TRMT11: variants seen among roughly 807,000 people sequenced by gnomAD.
TRMT11 encodes tRNA methyltransferase 11, also known as tRNA (guanine(10)-N(2))-methyltransferase TRMT11.
Under a neutral mutation model 62.8 loss-of-function variants are expected in TRMT11, and 53 were observed. The ratio of observed to expected loss-of-function variants is 0.84; its 90% CI spans 0.68 to 1.06. TRMT11 has a LOEUF of 1.06. TRMT11 is among the 50% of genes least tolerant of loss of function. TRMT11 has a pLI of 0.00. For synonymous variants in TRMT11, 188 were observed against 190.3 expected (o/e 0.99, Z 0.10); for missense variants, 556 against 553.4 (o/e 1.00, Z -0.05).
chr6:126,271,129 T>C, the TRMT11 span, among the ~76,000 whole-genome samples: 1 of 152,112 alleles, frequency 6.6e-6, no homozygotes, highest in African/African-American at 2.4e-5. Flanking sequence ...TTTGGGAGGC[T>C]GAGGCAGGCA....
intron 7 of TRMT11, among the ~76,000 whole-genome samples, chr6:126,008,142 A>T (rs542523267): frequency 6.6e-6 from 1 of 152,144 alleles, no homozygotes; most frequent in Admixed American, 6.6e-5. Flanking sequence ...GACCAAAAAA[A>T]AGATAAAATA....
intron 21 of TRMT11, among the ~76,000 whole-genome samples, chr6:126,167,779 T>C (rs1365316662): frequency 6.6e-6 from 1 of 152,226 alleles, no homozygotes; most frequent in South Asian, 2.1e-4. Context: ...CCAGTCTTCA[T>C]ACGCTCAACA....
In TRMT11 at chr6:126,084,493, A is replaced by G. The variant is rs188119288; in HGVS notation, c.*1438-28373A>G. 2.3e-4 allele frequency among the ~76,000 whole-genome samples: 35 copies of G among 152,200 alleles called. No individual in the cohort carries two copies. In the East Asian group the frequency reaches 6.8e-3, roughly 29 times the overall value. ...AATTTTGGAATATTAACCCCTTATCAGATATATTCCAATCCATAGGCTACT... is the reference window on the plus strand; with the variant it reads ...AATTTTGGAATATTAACCCCTTATCGGATATATTCCAATCCATAGGCTACT... On this transcript the variant is annotated intron_variant and NMD_transcript_variant, in intron 17 of 22. Transcript: ENST00000648977.
intron 7 of TRMT11, among the ~76,000 whole-genome samples, chr6:126,000,390 C>T (rs375671340): frequency 1.3e-5 from 2 of 152,066 alleles, no homozygotes; most frequent in African/African-American, 2.4e-5. Flanking sequence ...GCAGAGCTAA[C>T]GTTTATTGAA....
chr6:126,112,100 A>G (rs949508603), intron 17 of TRMT11, among the ~76,000 whole-genome samples: 1 of 152,130 alleles, frequency 6.6e-6, no homozygotes, highest in Non-Finnish European at 1.5e-5. Context: ...CCCAAACTGG[A>G]GTATATTCTG....
At chr6:126,037,161 A>C (rs1355851657) in intron 12 of TRMT11, among the ~76,000 whole-genome samples, 1 of 151,858 alleles carries the variant, frequency 6.6e-6, no homozygotes, top group Non-Finnish European at 1.5e-5. Context: ...ACCTCATTAC[A>C]TTGTAATTAA....
chr6:125,999,611 C>G lies in TRMT11; in HGVS notation c.677C>G (p.Thr226Arg). ...ATTGTCTTTGATCCATTTGTTGGAA[C>G]AGGTATTTTTATTTAACTTTTAAGC... Reference protein sequence around the residue: ...NDIVFDPFVGTGGLLIACAHF... With the variant: ...NDIVFDPFVGRGGLLIACAHF... The change falls in exon 7 of 13, where the codon ACA becomes AGA. Residue 226 changes from threonine to arginine, a missense_variant and splice_region_variant. Physicochemically the swap from Thr to Arg is moderately conservative, Grantham distance 71. Coordinates refer to ENST00000334379, the MANE Select transcript of TRMT11 (RefSeq NM_001031712.3). 6.2e-7 allele frequency: 1 copy of G among 1,606,162 alleles called. No individual in the cohort carries two copies. The highest frequency in any genetic ancestry group is 1.1e-5 in the South Asian group (1 of 89,652).
downstream of TRMT11, among the ~76,000 whole-genome samples, chr6:126,207,621 A>G (rs1778802375): frequency 6.6e-6 from 1 of 152,238 alleles, no homozygotes; most frequent in Non-Finnish European, 1.5e-5. Context: ...TCTTTAGAAC[A>G]GTAAAATAGA....
In TRMT11 at chr6:126,170,432, T is replaced by A. The variant is rs374269498; in HGVS notation, c.*1824-4393T>A. On this transcript the variant is annotated intron_variant and NMD_transcript_variant, in intron 21 of 22. Transcript: ENST00000648977. ...TTTCCCATAGAAAATTCAGTGGATG[T>A]TCTTTCCATATGTCAGCTGCTGTGG... Among the ~76,000 whole-genome samples the A allele has an allele frequency of 2.2e-4, 34 of 152,350 alleles. No individual in the cohort carries two copies. In the South Asian group the frequency reaches 3.3e-3, roughly 15 times the overall value.
chr6:126,160,662 C>G (rs1778179012), intron 21 of TRMT11, among the ~76,000 whole-genome samples: 1 of 152,172 alleles, frequency 6.6e-6, no homozygotes, highest in Non-Finnish European at 1.5e-5. Context: ...ACCAGCATTA[C>G]TTCCTTTTCT....
At chr6:126,011,064 C>T (rs953720723) in intron 8 of TRMT11, among the ~76,000 whole-genome samples, 189 bp from the exon 9 acceptor site, 2 of 152,134 alleles carry the variant, frequency 1.3e-5, no homozygotes, top group Non-Finnish European at 2.9e-5. Context: ...AGTTAGACAT[C>T]AGTACATTTT....
At chr6:126,208,571 A>G (rs1778809860), downstream of TRMT11, among the ~76,000 whole-genome samples, 1 of 152,232 alleles carries the variant, frequency 6.6e-6, no homozygotes, top group Admixed American at 6.5e-5. Context: ...AAGAACCTCT[A>G]TGACAAAAGG....
chr6:126,086,771 C>T (rs574001190), intron 17 of TRMT11, among the ~76,000 whole-genome samples: 1 of 152,242 alleles, frequency 6.6e-6, no homozygotes, highest in East Asian at 1.9e-4. Context: ...TTCATTACAT[C>T]ACGTGACTTT....
intron 12 of TRMT11, among the ~76,000 whole-genome samples, chr6:126,034,010 A>G (rs2128055893): frequency 6.6e-6 from 1 of 152,254 alleles, no homozygotes; most frequent in South Asian, 2.1e-4. Context: ...ATGTGCTACC[A>G]TAATGTTGCT....
rs958536719 is a variant in TRMT11 at position 126,032,730 on chromosome 6, C to T, written c.1261-5975C>T. ...TGTTTAATGTCTGTCTCTCCCACCA[C>T]TGTACGTACAAGCTCTGTGAATTCA... On this transcript the variant is annotated intron_variant, in intron 12 of 12. Coordinates refer to ENST00000334379, the MANE Select transcript of TRMT11 (RefSeq NM_001031712.3). 9.2e-5 allele frequency among the ~76,000 whole-genome samples: 14 copies of T among 152,294 alleles called. No homozygotes were observed. In the Middle Eastern group the frequency reaches 0.01, roughly 111 times the overall value.
At chr6:126,103,850 C>T (rs1777432002) in intron 17 of TRMT11, among the ~76,000 whole-genome samples, 1 of 152,130 alleles carries the variant, frequency 6.6e-6, no homozygotes, top group Non-Finnish European at 1.5e-5. Flanking sequence ...GACTTCCTAT[C>T]TCCTTTGCTA....
intron 1 of TRMT11, among the ~76,000 whole-genome samples, chr6:126,188,546 T>C (rs1463849148): frequency 6.6e-6 from 1 of 152,150 alleles, no homozygotes; most frequent in East Asian, 1.9e-4. Context: ...AGTTTCAATT[T>C]CTGTTCATGT....
chr6:125,996,388 G>A (rs747593789), intron 3 of TRMT11, among the ~76,000 whole-genome samples: 1 of 152,182 alleles, frequency 6.6e-6, no homozygotes, highest in Non-Finnish European at 1.5e-5. Context: ...TTCATAGATG[G>A]TTTTTAATTG....
chr6:126,193,488 GTATT>G lies in TRMT11; in HGVS notation n.144-5309_144-5306del, dbSNP rs1306437989. The stretch of plus-strand genomic sequence containing the variant: ...TAGGTTATTTAAGAGGAGCGTTTCT[GTATT>G]TTTTTTTTTTTTTTTTTTTTTTGAG... On this transcript the variant is annotated intron_variant and non_coding_transcript_variant, in intron 1 of 3. Transcript: ENST00000444229. Among the ~76,000 whole-genome samples the G allele has an allele frequency of 7.6e-5, 9 of 118,140 alleles. 1 individual carries two copies. The highest frequency in any genetic ancestry group is 2.6e-4 in the African/African-American group (7 of 26,868). The allele number at this position is 118,140 out of a possible 152,430, so 77.5% of individuals were successfully genotyped here.
Sources: gnomAD v4.1 joint callset for allele counts (sites outside exome capture counted in the v4.1 genomes callset) on GRCh38, gnomAD v4.1.1 for gene constraint, MANE v1.5 for transcripts, NCBI Gene and HGNC (gene_info 2026-07-23, HGNC 2026-07-21) for gene names.